Variants in IQCM observed in about 807,000 individuals in gnomAD.
IQCM encodes the protein IQ domain-containing protein M.
In IQCM, 45 loss-of-function variants were observed where a neutral mutation model predicts 57.6. The observed-to-expected ratio is 0.78, with a 90% CI of 0.62 to 1.00. The LOEUF (loss-of-function observed/expected upper bound fraction) is 1.00. IQCM is among the 50% of genes least tolerant of loss of function. The pLI, the probability that IQCM is intolerant of heterozygous loss-of-function variation, is 0.00. For synonymous variants in IQCM, 148 were observed against 158.9 expected (o/e 0.93, Z 0.51); for missense variants, 468 against 511.6 (o/e 0.91, Z 0.82).
intron 13 of IQCM, among the ~76,000 whole-genome samples, chr4:149,384,336 G>A (rs1731269937): frequency 6.6e-6 from 1 of 152,070 alleles, no homozygotes; most frequent in East Asian, 1.9e-4. Flanking sequence ...GATGAAGGAA[G>A]AATTCTCTGT....
At chr4:149,435,575 A>AC (rs1385568230) in intron 12 of IQCM, among the ~76,000 whole-genome samples, 1 of 151,722 alleles carries the variant, frequency 6.6e-6, no homozygotes, top group Non-Finnish European at 1.5e-5. Context: ...TACTTATTAA[A>AC]AAAAAAAAAA....
At chr4:149,805,834 A>G (rs80193325) in intron 2 of IQCM, among the ~76,000 whole-genome samples, 2,361 of 152,068 alleles carry the variant, frequency 0.016, 166 homozygotes, top group East Asian at 0.14. Context: ...CTGGGTCTTT[A>G]GTCTGTCAAA....
At chr4:149,540,219 A>G (rs1341125881) in intron 12 of IQCM, among the ~76,000 whole-genome samples, 1 of 151,122 alleles carries the variant, frequency 6.6e-6, no homozygotes. Flanking sequence ...AAATCAGCCA[A>G]CACCTTGATC....
intron 7 of IQCM, among the ~76,000 whole-genome samples, chr4:149,672,249 C>T (rs185753323): frequency 3.3e-5 from 5 of 152,256 alleles, no homozygotes; most frequent in South Asian, 2.1e-4. Context: ...TCGCCAGCAA[C>T]GGAACAAAGC....
intron 13 of IQCM, among the ~76,000 whole-genome samples, chr4:149,358,160 C>T (rs764863541): frequency 1.5e-4 from 23 of 152,038 alleles, no homozygotes; most frequent in Non-Finnish European, 2.6e-4. Flanking sequence ...GTCTTGCTAG[C>T]GGTCTATCAA....
intron 13 of IQCM, among the ~76,000 whole-genome samples, chr4:149,427,525 G>C (rs1004734501): frequency 1.3e-5 from 2 of 151,858 alleles, no homozygotes; most frequent in African/African-American, 4.8e-5. Flanking sequence ...TGAAGTTTAA[G>C]GAAAAATGGA....
intron 5 of IQCM, among the ~76,000 whole-genome samples, chr4:149,725,746 C>T (rs1276085192): frequency 6.6e-6 from 1 of 152,070 alleles, no homozygotes; most frequent in Non-Finnish European, 1.5e-5. Flanking sequence ...CAGAACTAGT[C>T]TTCTCACTCT....
chr4:149,804,060 T>C (rs10030601), intron 2 of IQCM, among the ~76,000 whole-genome samples: 33,398 of 151,720 alleles, frequency 0.22, 6,535 homozygotes, highest in African/African-American at 0.5. Context: ...TGGAAGGCTA[T>C]AGGAGGCTGG....
chr4:149,585,629 A>C (rs996153561), intron 9 of IQCM, among the ~76,000 whole-genome samples: 3 of 151,620 alleles, frequency 2.0e-5, no homozygotes, highest in Non-Finnish European at 3.0e-5. Flanking sequence ...AAATCACTAA[A>C]GCCACTCAAG....
intron 12 of IQCM, among the ~76,000 whole-genome samples, chr4:149,488,670 C>T (rs902862583): frequency 1.3e-5 from 2 of 151,808 alleles, no homozygotes; most frequent in African/African-American, 4.8e-5. Flanking sequence ...AGATATGACC[C>T]AAAAAGGCTC....
chr4:149,590,440 G>T (rs1198929576), intron 8 of IQCM, among the ~76,000 whole-genome samples: 1 of 151,114 alleles, frequency 6.6e-6, no homozygotes, highest in Non-Finnish European at 1.5e-5. Context: ...GCCACTACCT[G>T]CTTCTTTCAA....
chr4:149,789,242 C>A (rs933649899), intron 2 of IQCM, among the ~76,000 whole-genome samples: 5 of 151,978 alleles, frequency 3.3e-5, no homozygotes, highest in African/African-American at 9.7e-5. Flanking sequence ...TCTATGCACG[C>A]AACAAAATAT....
At chr4:149,491,163 C>G (rs1022661773) in intron 12 of IQCM, among the ~76,000 whole-genome samples, 3 of 151,696 alleles carry the variant, frequency 2.0e-5, no homozygotes, top group Non-Finnish European at 4.4e-5. Flanking sequence ...GACCATAACT[C>G]TTTTTTTTAA....
At chr4:149,472,904 A>T (rs1486838103) in intron 12 of IQCM, among the ~76,000 whole-genome samples, 2 of 152,250 alleles carry the variant, frequency 1.3e-5, no homozygotes, top group Non-Finnish European at 2.9e-5. Flanking sequence ...TGGTGCTGGG[A>T]AAACTGGCTA....
At chr4:149,420,202 T>C (rs532346714) in intron 13 of IQCM, among the ~76,000 whole-genome samples, 3 of 152,236 alleles carry the variant, frequency 2.0e-5, no homozygotes, top group South Asian at 2.1e-4. Context: ...TGTATGTTCA[T>C]TGCAGCACTA....
At chr4:149,386,348 T>C (rs1002231879) in intron 13 of IQCM, among the ~76,000 whole-genome samples, 1 of 152,056 alleles carries the variant, frequency 6.6e-6, no homozygotes, top group Admixed American at 6.6e-5. Context: ...ACACAAAGTA[T>C]AGAGAATATG....
intron 6 of IQCM, among the ~76,000 whole-genome samples, 157 bp from the exon 7 acceptor site, chr4:149,682,363 T>C (rs1468942121): frequency 1.3e-5 from 2 of 151,020 alleles, no homozygotes; most frequent in Non-Finnish European, 3.0e-5. Context: ...CCTTGCAGAG[T>C]AAATATTATT....
At chr4:149,706,358 G>A (rs1353436248) in intron 5 of IQCM, among the ~76,000 whole-genome samples, 2 of 151,942 alleles carry the variant, frequency 1.3e-5, no homozygotes, top group Non-Finnish European at 2.9e-5. Flanking sequence ...CAGCAAGAAG[G>A]TCAAAGCCAG....
intron 2 of IQCM, among the ~76,000 whole-genome samples, chr4:149,749,252 A>T (rs1353809560): frequency 3.9e-5 from 6 of 152,252 alleles, no homozygotes; most frequent in Admixed American, 2.0e-4. Flanking sequence ...TATAAGAATG[A>T]TCATAGCAGT....
Sources: gnomAD v4.1 joint callset for allele counts (sites outside exome capture counted in the v4.1 genomes callset) on GRCh38, gnomAD v4.1.1 for gene constraint, MANE v1.5 for transcripts, NCBI Gene and HGNC (gene_info 2026-07-23, HGNC 2026-07-21) for gene names.